The following OGDHL variants were observed in gnomAD, a reference collection of about 807,000 sequenced individuals.
The protein encoded by OGDHL is oxoglutarate dehydrogenase L.
In OGDHL, 79 loss-of-function variants were observed where a neutral mutation model predicts 109.6. The observed-to-expected ratio is 0.72, with a 90% CI of 0.60 to 0.87. OGDHL has a LOEUF of 0.87. Ranked by LOEUF, OGDHL falls within the 40% of genes least tolerant of loss-of-function variation. OGDHL has a pLI of 0.00. For synonymous variants in OGDHL, 528 were observed against 537.2 expected, an observed-to-expected ratio of 0.98 and a Z score of 0.24; for missense variants, 1,275 against 1,362.2, an observed-to-expected ratio of 0.94 and a Z score of 1.01.
intron 17 of OGDHL, chr10:49,738,840 A>C: frequency 6.5e-6 from 1 of 152,734 alleles, no homozygotes. Flanking sequence ...GACGGGGATG[A>C]CCCACTGCAC....
chr10:49,762,072 C>T (rs1228794825), intron 1 of OGDHL, among the ~76,000 whole-genome samples, 167 bp downstream of exon 1: 2 of 152,152 alleles, frequency 1.3e-5, no homozygotes, highest in Admixed American at 6.5e-5. Flanking sequence ...AGGTCAGAGC[C>T]AAGGTCACAG....
In OGDHL at chr10:49,752,613, T is replaced by C. The variant is rs776703111; in HGVS notation, c.478+25A>G. 6 of 1,600,582 alleles carry C rather than the reference T, an allele frequency of 3.7e-6. No homozygotes were observed. The African/African-American group carries it at 5.4e-5, about 14-fold the overall frequency. ...CTGGGCCACCCACACAGCACTGCCA[T>C]GGCCGTCCTGAGGAAGGGTCTTACC... On this transcript the variant is annotated intron_variant, in intron 4 of 22. Transcript: ENST00000374103.
intron 20 of OGDHL, 60 bp downstream of exon 20, chr10:49,737,726 C>A: frequency 7.0e-6 from 11 of 1,582,324 alleles, no homozygotes; most frequent in Non-Finnish European, 8.7e-6. Flanking sequence ...GAAGCAGAAG[C>A]CACACAATGG....
intron 12 of OGDHL, 73 bp from the exon 13 acceptor site, chr10:49,744,825 G>GT (rs1842059234): frequency 8.4e-7 from 1 of 1,193,436 alleles, no homozygotes; most frequent in Admixed American, 1.7e-5. Context: ...ACTTGGACTC[G>GT]TAAGTCCTGG....
intron 9 of OGDHL, 73 bp downstream of exon 9, chr10:49,746,956 C>T: frequency 6.2e-7 from 1 of 1,608,318 alleles, no homozygotes; most frequent in East Asian, 2.2e-5. Flanking sequence ...CTGTGGAGAC[C>T]CAGGGTCCAG....
chr10:49,741,913 ACAC>A (rs759791879), intron 15 of OGDHL, among the ~76,000 whole-genome samples: 22 of 147,186 alleles, frequency 1.5e-4, no homozygotes, highest in Non-Finnish European at 3.3e-4. Context: ...CACAACACAC[ACAC>A]CACACAGACT....
Position 49,745,852 on chromosome 10 carries a change from G to A in OGDHL, c.1422C>T (p.Cys474=). 1.9e-6 allele frequency: 3 copies of A among 1,614,158 alleles called. No homozygotes were observed. Among genetic ancestry groups the A allele is most frequent in the Non-Finnish European group, 2.5e-6 (3 of 1,180,032 alleles). ...TGTTTCTCCATTCGGCTGCCACACT[G>A]CACACATATATCACAGCCTCTGGGT... The part of the protein sequence containing the change: ...ADDPEAVIYV[C]SVAAEWRNTF... Residue 474 remains cysteine, a synonymous_variant, in exon 11 of 23, where the codon TGC becomes TGT. Transcript: ENST00000374103.
chr10:49,747,040 G>A lies in OGDHL; in HGVS notation c.1156C>T (p.Gln386Ter). ...KAEQFYRGDA[Q>*]GKKVMSILVH... The stretch of plus-strand genomic sequence containing the variant: ...CCAGGTGAGCTCACCTTCTTGCCCT[G>A]GGCATCTCCACGGTAGAACTGCTCT... Residue 386 changes from glutamine (Q) to a stop codon, truncating the protein, a stop_gained, in exon 9 of 23, where the codon CAG (glutamine) becomes TAG (stop). Transcript: ENST00000374103. LOFTEE classifies it high-confidence loss of function. 6.2e-7 allele frequency: 1 copy of A among 1,614,014 alleles called. No individual in the cohort carries two copies. The highest frequency in any genetic ancestry group is 8.5e-7 in the Non-Finnish European group (1 of 1,179,884).
chr10:49,737,835 A>G lies in OGDHL; in HGVS notation c.2541T>C (p.Ser847=). 1 of 1,614,104 alleles carries G rather than the reference A, an allele frequency of 6.2e-7. No individual in the cohort carries two copies. Among genetic ancestry groups the G allele is most frequent in the Non-Finnish European group, 8.5e-7 (1 of 1,180,002 alleles). ...RKPLIIFTPK[S]LLRHPEAKSS... ...ACTTGGCCTCTGGGTGCCTCAGCAG[A>G]GATTTAGGTGTGAAGATAATCAGCT... Residue 847 remains serine, a synonymous_variant, in exon 20 of 23, where the codon TCT becomes TCC. Transcript: ENST00000374103.
intron 1 of OGDHL, among the ~76,000 whole-genome samples, chr10:49,760,690 T>C (rs1220441911): frequency 6.6e-6 from 1 of 152,250 alleles, no homozygotes; most frequent in Non-Finnish European, 1.5e-5. Context: ...GGGTGGGCAC[T>C]CATATCAGTT....
rs1363749738 is a variant in OGDHL, at chr10:49,744,060, C to T, written c.1795G>A (p.Asp599Asn). The change falls in exon 14 of 23, where the codon GAC becomes AAC. Residue 599 changes from aspartate to asparagine, a missense_variant. By Grantham distance (23) the Asp-to-Asn change is conservative (BLOSUM62 1). Transcript: ENST00000374103. ...MTCPATGIPE[D>N]MLTHIGSVAS... ...ACACTGCCGATGTGGGTGAGCATGT[C>T]CTCAGGGATCCCCGTGGCTGGGCAT... 1 of 1,614,146 alleles carries T rather than the reference C, an allele frequency of 6.2e-7. No homozygotes were observed. Among genetic ancestry groups the T allele is most frequent in the South Asian group, 1.1e-5 (1 of 91,080 alleles).
rs1388489572 is a variant in OGDHL, at chr10:49,758,334, G to A, written c.204+55C>T. On this transcript the variant is annotated intron_variant, in intron 2 of 22. Transcript: ENST00000374103. ...CTCCCCACTGCCCTGCCACAGCCCG[G>A]CCCCCGAGGGCTTCCCTCCCTTGCG... 5.2e-6 allele frequency: 8 copies of A among 1,536,678 alleles called. No individual in the cohort carries two copies. The East Asian group carries it at 1.8e-4, about 35-fold the overall frequency.
At chr10:49,738,664 C>T (rs1564524732) in intron 17 of OGDHL, 3 of 241,464 alleles carry the variant, frequency 1.2e-5, no homozygotes, top group African/African-American at 4.5e-5. Flanking sequence ...CCCCACTGCA[C>T]AGATGAAGAG....
At chr10:49,735,431 G>A (rs1564518248) in intron 22 of OGDHL, 80 bp from the exon 23 acceptor site, 1 of 1,527,118 alleles carries the variant, frequency 6.5e-7, no homozygotes, top group South Asian at 1.3e-5. Context: ...GGACTGCAGG[G>A]GGCACGCATC....
At position 49,745,339 on chromosome 10, in the gene OGDHL, C is replaced by T. The variant is rs761709343; in HGVS notation, c.1629+5G>A. ...CTTGGGCGCCCCTGCAGCCTGCCTG[C>T]CCACCTCAAACTCCTGCAGGGTGAC... On this transcript the variant is annotated splice_donor_5th_base_variant and intron_variant, in intron 12 of 22. Transcript: ENST00000374103. 4 of 1,613,230 alleles carry T rather than the reference C, an allele frequency of 2.5e-6. No homozygotes were observed. The highest frequency in any genetic ancestry group is 3.4e-6 in the Non-Finnish European group (4 of 1,179,922).
In OGDHL at chr10:49,749,641, G is replaced by A. The variant is rs142257160; in HGVS notation, c.987+85C>T. On this transcript the variant is annotated intron_variant, in intron 8 of 22. Transcript: ENST00000374103. ...TCCATCTTAAGGTTTATCTCAGCCCGGAAGCTCCCGGCTCAGCCCCTCCAC... is the reference window on the plus strand; with the variant it reads ...TCCATCTTAAGGTTTATCTCAGCCCAGAAGCTCCCGGCTCAGCCCCTCCAC... 582 of 1,192,302 alleles carry A rather than the reference G, an allele frequency of 4.9e-4. 3 individuals carry two copies. The African/African-American group carries it at 6.5e-3, about 13-fold the overall frequency. The allele number at this position is 1,192,302 out of a possible 1,614,324, so 73.9% of individuals were successfully genotyped here.
chr10:49,749,638 C>G, intron 8 of OGDHL, 88 bp downstream of exon 8: 3 of 1,153,482 alleles, frequency 2.6e-6, no homozygotes, highest in Non-Finnish European at 3.7e-6. Flanking sequence ...TTTATCTCAG[C>G]CCGGAAGCTC....
rs773683494 is a variant in OGDHL, at chr10:49,742,934, G to C, written c.1906C>G (p.Arg636Gly). Residue 636 changes from arginine to glycine, a missense_variant, in exon 15 of 23, where the codon CGG (arginine) becomes GGG (glycine). Transcript: ENST00000374103. ...TCTGCCAACGCCCAGTCCACCGTCC[G>C]GTTCTTGGTCATGTCCGCACGGCCC... ...LRGRADMTKN[R>G]TVDWALAEYM... 5 of 1,613,954 alleles carry C rather than the reference G, an allele frequency of 3.1e-6. No individual in the cohort carries two copies. Among genetic ancestry groups the C allele is most frequent in the African/African-American group, 1.3e-5 (1 of 75,074 alleles).
intron 1 of OGDHL, among the ~76,000 whole-genome samples, chr10:49,760,708 A>G (rs980670356): frequency 1.6e-4 from 25 of 152,264 alleles, no homozygotes; most frequent in African/African-American, 5.5e-4. Flanking sequence ...GTTCCACTTT[A>G]TAAACAGAGA....
Sources: allele counts gnomAD v4.1 joint callset (sites outside exome capture counted in the v4.1 genomes callset), GRCh38; gene constraint gnomAD v4.1.1; transcripts MANE v1.5; gene names NCBI Gene and HGNC (gene_info 2026-07-23, HGNC 2026-07-21).